Variants in ERC1 observed in about 807,000 individuals in gnomAD.
The protein encoded by ERC1 is RAB6 interacting protein 2.
Under a neutral mutation model 132.0 loss-of-function variants are expected in ERC1, and 56 were observed. The ratio of observed to expected loss-of-function variants is 0.42; its 90% CI spans 0.34 to 0.53. ERC1 has a LOEUF of 0.53. Ranked by LOEUF, ERC1 falls within the 20% of genes least tolerant of loss-of-function variation. The pLI is 0.03. For synonymous variants in ERC1, 478 were observed against 476.1 expected (o/e 1.00, Z -0.05); for missense variants, 1,202 against 1,349.9 (o/e 0.89, Z 1.72).
chr12:1,177,339 C>T (rs766546750), intron 8 of ERC1, among the ~76,000 whole-genome samples: 1 of 152,222 alleles, frequency 6.6e-6, no homozygotes, highest in African/African-American at 2.4e-5. Flanking sequence ...ATGCCTTCCT[C>T]ACTAAGCTTA....
intron 16 of ERC1, 125 bp downstream of exon 16, chr12:1,372,102 G>C: frequency 8.4e-7 from 1 of 1,185,712 alleles, no homozygotes; most frequent in Non-Finnish European, 1.2e-6. Context: ...ATTGGAGCTA[G>C]TTAGTTTCCA....
chr12:1,112,344 T>A, intron 6 of ERC1, 46 bp downstream of exon 6: 1 of 1,377,740 alleles, frequency 7.3e-7, no homozygotes, highest in Non-Finnish European at 1.0e-6. Context: ...GGTCCCACAG[T>A]GGGACCCTGC....
chr12:1,263,188 A>G, intron 14 of ERC1, 23 bp downstream of exon 14: 2 of 1,612,268 alleles, frequency 1.2e-6, no homozygotes, highest in Non-Finnish European at 1.7e-6. Flanking sequence ...ATACAGTTCC[A>G]AGCAATGCTG....
rs71055118 is a variant in ERC1, at chr12:1,004,401, C to CTTTT, written c.-157+13099_-157+13102dup. ...TAAATTTCTTTCTTTTTTTCTTTCT[C>CTTTT]TTTTTTTTTTTTTTTTTTTTTTTGA... On this transcript the variant is annotated intron_variant, in intron 1 of 18. Transcript: ENST00000360905. Among the ~76,000 whole-genome samples the CTTTT allele has an allele frequency of 1.1e-3, 104 of 95,014 alleles. 1 individual carries two copies. The highest frequency in any genetic ancestry group is 1.5e-3 in the Non-Finnish European group (77 of 50,254). The allele number at this position is 95,014 out of a possible 152,430, so 62.3% of individuals were successfully genotyped here. A position where few individuals can be genotyped will look rare whatever the true frequency, so the allele number is the denominator to read the frequency against.
intron 16 of ERC1, among the ~76,000 whole-genome samples, chr12:1,374,824 A>ATTTTTTTTTT (rs5795968): frequency 4.8e-5 from 6 of 124,582 alleles, no homozygotes; most frequent in Non-Finnish European, 3.3e-5. Flanking sequence ...ACAGGCTGGG[A>ATTTTTTTTTT]TTTTTTTTTT....
At chr12:1,167,921 G>A (rs536433844) in intron 8 of ERC1, among the ~76,000 whole-genome samples, 80 of 151,876 alleles carry the variant, frequency 5.3e-4, no homozygotes, top group Middle Eastern at 6.8e-3. Context: ...TCAGCATGTT[G>A]GCCAGGATGC....
At chr12:1,111,989 G>A (rs1330002186) in intron 5 of ERC1, among the ~76,000 whole-genome samples, 1 of 152,074 alleles carries the variant, frequency 6.6e-6, no homozygotes, top group Admixed American at 6.6e-5. Flanking sequence ...TGATCTCTGT[G>A]TTTATGTTTT....
intron 12 of ERC1, among the ~76,000 whole-genome samples, chr12:1,220,285 T>G (rs1958853909): frequency 6.6e-6 from 1 of 152,208 alleles, no homozygotes; most frequent in African/African-American, 2.4e-5. Context: ...CGCCTCCCCC[T>G]TTTAAAAATA....
At chr12:1,178,523 T>A (rs116197194) in intron 8 of ERC1, among the ~76,000 whole-genome samples, 78 of 152,224 alleles carry the variant, frequency 5.1e-4, no homozygotes, top group African/African-American at 1.8e-3. Flanking sequence ...GATCAATATA[T>A]AGATACATGG....
intron 16 of ERC1, among the ~76,000 whole-genome samples, chr12:1,402,559 T>C (rs957011816): frequency 2.7e-5 from 4 of 149,094 alleles, no homozygotes; most frequent in Non-Finnish European, 5.9e-5. Flanking sequence ...GAAAGAACAG[T>C]AATGAGCTAA....
At chr12:1,415,946 A>G (rs1335336482) in intron 17 of ERC1, among the ~76,000 whole-genome samples, 1 of 152,226 alleles carries the variant, frequency 6.6e-6, no homozygotes, top group Non-Finnish European at 1.5e-5. Context: ...CTTATCTCAT[A>G]CAGGGCTCAT....
chr12:1,326,101 TA>T (rs955336174), intron 15 of ERC1, among the ~76,000 whole-genome samples: 4 of 152,176 alleles, frequency 2.6e-5, no homozygotes, highest in African/African-American at 9.6e-5. Flanking sequence ...GATTTCTTTT[TA>T]TGAAAGAATG....
At chr12:1,000,765 C>CA (rs922279891) in intron 1 of ERC1, among the ~76,000 whole-genome samples, 2 of 151,300 alleles carry the variant, frequency 1.3e-5, no homozygotes, top group Non-Finnish European at 2.9e-5. Context: ...TGTCTTAAAA[C>CA]AAAAAAAATT....
rs111822801 is a variant in ERC1, at chr12:1,060,040, C to T, written c.670-23124C>T. 2.7e-3 allele frequency among the ~76,000 whole-genome samples: 409 copies of T among 152,198 alleles called. 4 individuals carry two copies. The highest frequency in any genetic ancestry group is 7.4e-3 in the African/African-American group (306 of 41,520). On this transcript the variant is annotated intron_variant, in intron 2 of 18. Transcript: ENST00000360905. The stretch of plus-strand genomic sequence containing the variant: ...CTTGGTGTTGTTCTGTTCAGGTTTA[C>T]TACTTGTATTAGTCTGTTTTCATGC...
At chr12:1,473,415 C>T (rs2093905733) in intron 18 of ERC1, among the ~76,000 whole-genome samples, 1 of 152,108 alleles carries the variant, frequency 6.6e-6, no homozygotes, top group African/African-American at 2.4e-5. Flanking sequence ...AAGCAACAGC[C>T]TTTCCTTCCT....
At chr12:1,195,680 C>T (rs1956154284) in intron 12 of ERC1, among the ~76,000 whole-genome samples, 1 of 152,256 alleles carries the variant, frequency 6.6e-6, no homozygotes. Context: ...ATGAAGCCAG[C>T]GTCCAGAGAG....
In ERC1 at chr12:1,407,818, CTCT is replaced by C. The variant is rs534613723; in HGVS notation, c.2926-320_2926-318del. The stretch of plus-strand genomic sequence containing the variant: ...TATAAAGAGAAATCCCTCTATTTTT[CTCT>C]TCTTCTTCTTACGAAGCCCAGTCCT... On this transcript the variant is annotated intron_variant, in intron 16 of 18. Transcript: ENST00000360905. Among the ~76,000 whole-genome samples, 247 of 152,180 alleles carry C rather than the reference CTCT, an allele frequency of 1.6e-3. 1 individual carries two copies. Among genetic ancestry groups the C allele is most frequent in the Admixed American group, 4.4e-3 (67 of 15,284 alleles).
chr12:1,390,498 T>C (rs1037095914), intron 16 of ERC1: 18 of 152,290 alleles, frequency 1.2e-4, no homozygotes, highest in Admixed American at 4.6e-4. Flanking sequence ...AAAATTAACA[T>C]TTACTACTAT....
intron 2 of ERC1, 129 bp downstream of exon 2, chr12:1,028,701 G>GT (rs1967356527): frequency 1.2e-6 from 1 of 811,258 alleles, no homozygotes; most frequent in Non-Finnish European, 1.9e-6. Flanking sequence ...TGATTTTACT[G>GT]TTTTGTGTCC....
Sources: allele counts gnomAD v4.1 joint callset (sites outside exome capture counted in the v4.1 genomes callset), GRCh38; gene constraint gnomAD v4.1.1; transcripts MANE v1.5; gene names NCBI Gene and HGNC (gene_info 2026-07-23, HGNC 2026-07-21).